The following PFKL variants were observed in gnomAD, a reference collection of about 807,000 sequenced individuals.
The protein encoded by PFKL is phosphofructokinase, liver type.
A neutral mutation model predicts 92.1 loss-of-function variants in PFKL; 74 were observed. The ratio of observed to expected loss-of-function variants is 0.80; its 90% confidence interval spans 0.67 to 0.97. The LOEUF (loss-of-function observed/expected upper bound fraction) is 0.97. Among genes scored for constraint, PFKL ranks in the 50% least tolerant of loss-of-function variants. The pLI, the probability that PFKL is intolerant of heterozygous loss-of-function variation, is 0.00. For synonymous variants in PFKL, 494 were observed against 456.4 expected (o/e 1.08, Z -1.05); for missense variants, 1,028 against 1,116.6 (o/e 0.92, Z 1.13).
intron 1 of PFKL, among the ~76,000 whole-genome samples, chr21:44,302,668 C>T (rs1010778662): frequency 1.3e-5 from 2 of 152,146 alleles, no homozygotes; most frequent in African/African-American, 4.8e-5. Context: ...CTGAAGTCTG[C>T]GTTTGTTGGA....
chr21:44,305,052 C>T (rs1211454494), intron 1 of PFKL: 2 of 347,608 alleles, frequency 5.8e-6, no homozygotes, highest in African/African-American at 4.3e-5. Flanking sequence ...CCTGTTGGAT[C>T]CCCTGGCTGC....
At position 44,300,104 on chromosome 21, in the gene PFKL, C is replaced by A. The variant is rs1392530886; in HGVS notation, c.-2C>A. 3 of 1,154,654 alleles carry A rather than the reference C, an allele frequency of 2.6e-6. No homozygotes were observed. In the Admixed American group the frequency reaches 1.1e-4, roughly 41 times the overall value. The allele number at this position is 1,154,654 out of a possible 1,614,324, so 71.5% of individuals were successfully genotyped here. Reference sequence around the variant, plus strand: ...AGCTGGGCCCGTGTTTCGGCCGCCGCCATGGCCGCGGTGGACCTGGAGAAG... The same window carrying A: ...AGCTGGGCCCGTGTTTCGGCCGCCGACATGGCCGCGGTGGACCTGGAGAAG... On this transcript the variant is annotated 5_prime_UTR_variant, in exon 1 of 22. Transcript: ENST00000349048.
intron 1 of PFKL, chr21:44,305,097 G>A (rs967134823): frequency 1.3e-5 from 6 of 452,052 alleles, no homozygotes; most frequent in Non-Finnish European, 2.2e-5. Flanking sequence ...GAACCTGAGG[G>A]TGGGTCTGGG....
At chr21:44,303,386 G>C (rs1262314576) in intron 1 of PFKL, among the ~76,000 whole-genome samples, 1 of 136,924 alleles carries the variant, frequency 7.3e-6, no homozygotes. Context: ...ACTCCAGCCT[G>C]GGTGACAGAA....
intron 4 of PFKL, among the ~76,000 whole-genome samples, chr21:44,312,561 G>T (rs2047079050): frequency 6.6e-6 from 1 of 152,208 alleles, no homozygotes; most frequent in Non-Finnish European, 1.5e-5. Flanking sequence ...ACCCTACGCT[G>T]CGTAGACAAG....
chr21:44,324,747 G>C, intron 17 of PFKL, 92 bp downstream of exon 17: 1 of 1,566,150 alleles, frequency 6.4e-7, no homozygotes, highest in East Asian at 2.3e-5. Flanking sequence ...GGCAGGGCCC[G>C]GGCAGGTGGG....
intron 10 of PFKL, among the ~76,000 whole-genome samples, 195 bp from the exon 11 acceptor site, chr21:44,319,156 C>T (rs1035972319): frequency 6.6e-6 from 1 of 152,142 alleles, no homozygotes; most frequent in African/African-American, 2.4e-5. Flanking sequence ...CAGGGTAGGG[C>T]CTCCTGGTCT....
In PFKL at chr21:44,305,447, G is replaced by C. The variant is rs1459312194; in HGVS notation, c.86-1234G>C. 7 of 1,309,362 alleles carry C rather than the reference G, an allele frequency of 5.3e-6. No homozygotes were observed. The Admixed American group carries it at 8.1e-5, about 15-fold the overall frequency. 81.1% of individuals were successfully genotyped at this position (1,309,362 alleles called of 1,614,324 possible). On this transcript the variant is annotated intron_variant, in intron 1 of 21. Transcript: ENST00000349048. ...GCACCTCCAGCCTCTGCAAGTACAGGGGGGTGGGAGGGCAGGGGCTTTTGA... is the reference window on the plus strand; with the variant it reads ...GCACCTCCAGCCTCTGCAAGTACAGCGGGGTGGGAGGGCAGGGGCTTTTGA...
rs571478175 is a variant in PFKL, at chr21:44,323,625, G to A, written c.1498-141G>A. 25 of 816,094 alleles carry A rather than the reference G, an allele frequency of 3.1e-5. No homozygotes were observed. In the African/African-American group the frequency reaches 3.6e-4, roughly 12 times the overall value. The allele number at this position is 816,094 out of a possible 1,614,324, so 50.6% of individuals were successfully genotyped here. A position where few individuals can be genotyped will look rare whatever the true frequency, so the allele number is the denominator to read the frequency against. On this transcript the variant is annotated intron_variant, in intron 15 of 21. Coordinates refer to ENST00000349048, the MANE Select transcript of PFKL (RefSeq NM_002626.6). ...CTGCCTGGCCCAGCCCCAGGGGATTGAGCAGGTGGGTCCTGGCGTCCAGCA... is the reference window on the plus strand; with the variant it reads ...CTGCCTGGCCCAGCCCCAGGGGATTAAGCAGGTGGGTCCTGGCGTCCAGCA...
rs1230101339 is a variant in PFKL at position 44,324,672 on chromosome 21, C to T, written c.1815+17C>T. 1.1e-5 allele frequency: 17 copies of T among 1,570,316 alleles called. No homozygotes were observed. The highest frequency in any genetic ancestry group is 3.5e-5 in the Admixed American group (2 of 57,056). On this transcript the variant is annotated intron_variant, in intron 17 of 21. Transcript: ENST00000349048. ...GACTTAAAGGTGAGCCCAGCCCAGC[C>T]CCTGCTGCGGCAGACCTGCCGGCAT... is the stretch of plus-strand genomic sequence containing the variant.
intron 1 of PFKL, chr21:44,305,902 C>G (rs138883373): frequency 1.5e-6 from 2 of 1,364,142 alleles, no homozygotes; most frequent in Admixed American, 1.9e-5. Context: ...GACCTCAGAG[C>G]CTGGTGGCAC....
chr21:44,307,826 C>T (rs928705936), intron 2 of PFKL, among the ~76,000 whole-genome samples: 1 of 152,228 alleles, frequency 6.6e-6, no homozygotes, highest in Non-Finnish European at 1.5e-5. Flanking sequence ...GTACAAACCC[C>T]TCCTGCCACC....
chr21:44,300,695 T>C (rs2040748635), intron 1 of PFKL, among the ~76,000 whole-genome samples: 1 of 152,178 alleles, frequency 6.6e-6, no homozygotes, highest in Non-Finnish European at 1.5e-5. Flanking sequence ...TCCTTGTGGG[T>C]CTAGCTGGGG....
rs779729799 is a variant in PFKL at position 44,323,022 on chromosome 21, C to T, written c.1470C>T (p.His490=). 2.2e-5 allele frequency: 35 copies of T among 1,612,978 alleles called. No homozygotes were observed. The highest frequency in any genetic ancestry group is 1.8e-4 in the South Asian group (16 of 91,080). The change falls in exon 15 of 22, where the codon CAC becomes CAT. Residue 490 remains histidine (H), a synonymous_variant. Coordinates refer to ENST00000349048, the MANE Select transcript of PFKL (RefSeq NM_002626.6). ...IVENIRIYGI[H]ALLVVGGFEA... is the part of the protein sequence containing the mutation. ...AGAACATCCGCATCTATGGTATTCACGCCCTGCTGGTGGTCGGTGGGTTTG... is the reference window on the plus strand; with the variant it reads ...AGAACATCCGCATCTATGGTATTCATGCCCTGCTGGTGGTCGGTGGGTTTG...
chr21:44,318,907 G>A lies in PFKL; in HGVS notation c.1062+312G>A, dbSNP rs372794326. 4.4e-4 allele frequency among the ~76,000 whole-genome samples: 67 copies of A among 152,294 alleles called. 3 individuals are homozygous for A. In the East Asian group the frequency reaches 9.5e-3, roughly 22 times the overall value. On this transcript the variant is annotated intron_variant, in intron 10 of 21. Coordinates refer to ENST00000349048, the MANE Select transcript of PFKL (RefSeq NM_002626.6). ...GTGGGAGTTGGGGTTACGATGGGACGGAGGAGGAGGGGCCAGTGATCAGAG... is the reference window on the plus strand; with the variant it reads ...GTGGGAGTTGGGGTTACGATGGGACAGAGGAGGAGGGGCCAGTGATCAGAG...
rs972918891 is a variant in PFKL, at chr21:44,304,714, G to A, written c.86-1967G>A. On this transcript the variant is annotated intron_variant, in intron 1 of 21. Transcript: ENST00000349048. Reference sequence around the variant, plus strand: ...TGGGGGGGGCTCGGCTGTCTGTCTCGGGGGGCTTGGCTGTCTGCGGGGGGC... The same window carrying A: ...TGGGGGGGGCTCGGCTGTCTGTCTCAGGGGGCTTGGCTGTCTGCGGGGGGC... 5.1e-5 allele frequency among the ~76,000 whole-genome samples: 6 copies of A among 118,610 alleles called. No homozygotes were observed. The East Asian group carries it at 1.4e-3, about 28-fold the overall frequency. 77.8% of individuals were successfully genotyped at this position (118,610 alleles called of 152,430 possible).
Position 44,322,191 on chromosome 21 carries a change from TG to T in PFKL, c.1401del (p.Thr468ProfsTer78). 2 of 1,602,838 alleles carry T rather than the reference TG, an allele frequency of 1.2e-6. No individual in the cohort carries two copies. On this transcript the variant is annotated frameshift_variant, in exon 14 of 22. Transcript: ENST00000349048. LOFTEE classifies it high-confidence loss of function. Reference protein sequence around the residue: ...AGWLGRGGSMLGTKRTLPKGQ... With the variant: ...AGWLGRGGSMXGTKRTLPKGQ... ...TGGTTGGGGCGTGGTGGCTCCATGC[TG>T]GGGACCAAGAGGTGAGCTGCCTGCT...
At chr21:44,302,730 C>T (rs773947945) in intron 1 of PFKL, among the ~76,000 whole-genome samples, 11 of 152,164 alleles carry the variant, frequency 7.2e-5, no homozygotes, top group Non-Finnish European at 1.5e-4. Context: ...AGTCCTGGGA[C>T]TTCTCGGGCC....
At chr21:44,314,062 G>C (rs771058678) in intron 7 of PFKL, 41 bp downstream of exon 7, 7 of 1,399,744 alleles carry the variant, frequency 5.0e-6, no homozygotes, top group Non-Finnish European at 7.0e-6. Context: ...AGGTGTCCTG[G>C]TGCACTGGGT....
Sources: gnomAD v4.1 joint callset for allele counts (sites outside exome capture counted in the v4.1 genomes callset) on GRCh38, gnomAD v4.1.1 for gene constraint, MANE v1.5 for transcripts, NCBI Gene and HGNC (gene_info 2026-07-23, HGNC 2026-07-21) for gene names.